Variants in EVPL observed in about 807,000 individuals in gnomAD.
The protein encoded by EVPL is 210 kDa cornified envelope precursor protein.
In EVPL, 94 loss-of-function variants were observed where a neutral mutation model predicts 129.7. The observed-to-expected ratio is 0.72, with a 90% CI of 0.61 to 0.86. The LOEUF (loss-of-function observed/expected upper bound fraction) is 0.86. EVPL is among the 40% of genes least tolerant of loss of function. The pLI is 0.00. For synonymous variants in EVPL, 1,172 were observed against 1,191.1 expected (o/e 0.98, Z 0.33); for missense variants, 2,625 against 2,721.1 (o/e 0.96, Z 0.79).
In EVPL at chr17:76,021,498, G is replaced by C. The variant is rs138421545; in HGVS notation, c.981C>G (p.Thr327=). 8.8e-3 allele frequency: 14,089 copies of C among 1,610,034 alleles called. 56 individuals carry two copies. Among genetic ancestry groups the C allele is most frequent in the Non-Finnish European group, 0.011 (12,641 of 1,178,724 alleles). Residue 327 remains threonine (T), a synonymous_variant, in exon 9 of 22, where the codon ACC becomes ACG. Transcript: ENST00000301607. ...GGTAGTCCTCCACGTGCTGCAGCTG[G>C]GTCTCCTGGCAGATACACAGGTTCA... is the stretch of plus-strand genomic sequence containing the variant. ...NFLNLCICQE[T]QLQHVEDYRR... is the part of the protein sequence containing the mutation.
chr17:76,021,743 G>A lies in EVPL; in HGVS notation c.846C>T (p.Ser282=), dbSNP rs2066461536. The A allele has an allele frequency of 2.5e-6, 4 of 1,609,994 alleles. No homozygotes were observed. The African/African-American group carries it at 5.3e-5, about 21-fold the overall frequency. Residue 282 remains serine (S), a synonymous_variant, in exon 8 of 22, where the codon AGC becomes AGT. Transcript: ENST00000301607. ...CGCCGTCGTCCTCCAGCTGGTTCAC[G>A]CTCTGCTCCTGGCTCAGCAGCTCGT... ...KQHELLSQEQ[S]VNQLEDDGER... is the part of the protein sequence containing the mutation.
At position 76,022,714 on chromosome 17, in the gene EVPL, GC is replaced by G. The variant is rs1005974431; in HGVS notation, c.481-177del. Among the ~76,000 whole-genome samples the G allele has an allele frequency of 4.6e-5, 7 of 152,160 alleles. No individual in the cohort carries two copies. Among genetic ancestry groups the G allele is most frequent in the Non-Finnish European group, 1.0e-4 (7 of 68,022 alleles). On this transcript the variant is annotated intron_variant, in intron 4 of 21. Coordinates refer to ENST00000301607, the MANE Select transcript of EVPL (RefSeq NM_001988.4). This position sits in a 1 kb window ranked among gnomAD's most constrained non-coding sequence, Gnocchi z 5.6. The stretch of plus-strand genomic sequence containing the variant: ...CCAGGGGCGAGGCCATTCTGCAGTG[GC>G]CCCTGAGTCCCACTGGTTCCCAGAC...
intron 10 of EVPL, 25 bp downstream of exon 10, chr17:76,019,503 A>G: frequency 2.0e-6 from 3 of 1,537,378 alleles, no homozygotes; most frequent in Non-Finnish European, 2.6e-6. Flanking sequence ...AGTGGGGTGC[A>G]GACGGCCTGG....
intron 18 of EVPL, 21 bp downstream of exon 18, chr17:76,014,405 C>A: frequency 6.2e-7 from 1 of 1,600,894 alleles, no homozygotes. Flanking sequence ...GCACAGGCAG[C>A]TGTCCCTGCC....
intron 14 of EVPL, 115 bp from the exon 15 acceptor site, chr17:76,015,743 G>A (rs1252769190): frequency 7.1e-6 from 8 of 1,127,646 alleles, no homozygotes; most frequent in Non-Finnish European, 8.7e-6. Context: ...GTACATGCTT[G>A]GGCTCAGGCC....
In EVPL at chr17:76,022,122, G is replaced by T; in HGVS notation, c.645+67C>A. The T allele has an allele frequency of 1.3e-6, 2 of 1,597,912 alleles. No individual in the cohort carries two copies. The highest frequency in any genetic ancestry group is 1.1e-5 in the South Asian group (1 of 89,662). The stretch of plus-strand genomic sequence containing the variant: ...GGCCGCGCTCAGGAACACTGGCCCC[G>T]GGCAGGGTCCGGGCGGCCACCCAGG... On this transcript the variant is annotated intron_variant, in intron 6 of 21. Transcript: ENST00000301607. The surrounding 1 kb of genome is among the most constrained non-coding windows in gnomAD (Gnocchi z 5.6).
At position 76,008,444 on chromosome 17, in the gene EVPL, C is replaced by A; in HGVS notation, c.4761G>T (p.Gln1587His). The A allele has an allele frequency of 6.3e-7, 1 of 1,592,566 alleles. No homozygotes were observed. Among genetic ancestry groups the A allele is most frequent in the Non-Finnish European group, 8.5e-7 (1 of 1,175,392 alleles). ...EESELQRARD[Q>H]ADQECGRLQQ... ...GCAGCCGCCCACACTCCTGGTCGGC[C>A]TGGTCCCGGGCCCTCTGCAGCTCGG... Residue 1587 changes from glutamine (Q) to histidine (H), a missense_variant, in exon 22 of 22, where the codon CAG becomes CAT. By Grantham distance (24) the Gln-to-His change is conservative (BLOSUM62 0). Transcript: ENST00000301607. This position sits in a 1 kb window ranked among gnomAD's most constrained non-coding sequence, Gnocchi z 7.4.
rs1277120740 is a variant in EVPL, at chr17:76,017,969, G to C, written c.1538-58C>G. 6 of 1,599,926 alleles carry C rather than the reference G, an allele frequency of 3.8e-6. No homozygotes were observed. The East Asian group carries it at 1.1e-4, about 30-fold the overall frequency. On this transcript the variant is annotated intron_variant, in intron 13 of 21. Coordinates refer to ENST00000301607, the MANE Select transcript of EVPL (RefSeq NM_001988.4). ...CCTATCTCCAGACTGCCAGATAGGT[G>C]CCCCCACCAGGTGCCCACAGAGGGT...
chr17:76,015,614 G>T lies in EVPL; in HGVS notation c.1725C>A (p.Arg575=), dbSNP rs1285937579. 6.2e-7 allele frequency: 1 copy of T among 1,613,094 alleles called. No homozygotes were observed. The highest frequency in any genetic ancestry group is 1.1e-5 in the South Asian group (1 of 91,042). The change falls in exon 15 of 22, where the codon CGC becomes CGA. Residue 575 remains arginine (R), a synonymous_variant. Coordinates refer to ENST00000301607, the MANE Select transcript of EVPL (RefSeq NM_001988.4). ...RIHSHEGTAQ[R]LQSLGTEKET... ...CCTTCTCCGTTCCCAGGCTCTGCAG[G>T]CGCTGGGCTGTGCCCTAAAGAGGGG...
chr17:76,007,824 G>A lies in EVPL; in HGVS notation c.5381C>T (p.Ser1794Phe), dbSNP rs747798650. 2 of 1,611,076 alleles carry A rather than the reference G, an allele frequency of 1.2e-6. No individual in the cohort carries two copies. Among genetic ancestry groups the A allele is most frequent in the African/African-American group, 2.7e-5 (2 of 74,854 alleles). ...GGCGAGCGGGGACTTGGAGATGATA[G>A]AGCCGATGGAGAGTGAGGAGCTTGG... ...TKPSSSLSIG[S>F]IISKSPLASP... is the part of the protein sequence containing the mutation. The change falls in exon 22 of 22, where the codon TCT (serine) becomes TTT (phenylalanine). Residue 1794 changes from serine to phenylalanine, a missense_variant. This residue lies in a region of EVPL where 1,453 missense variants were observed against 1,511.8 expected (regional missense o/e 0.96). Transcript: ENST00000301607. This position sits in a 1 kb window ranked among gnomAD's most constrained non-coding sequence, Gnocchi z 8.8.
chr17:76,021,442 C>T, intron 9 of EVPL, 26 bp downstream of exon 9: 1 of 1,591,398 alleles, frequency 6.3e-7, no homozygotes, highest in Non-Finnish European at 8.5e-7. Flanking sequence ...GCCCCTGCCG[C>T]CCCTGCCGCC....
intron 9 of EVPL, among the ~76,000 whole-genome samples, chr17:76,020,964 C>T (rs149896887): frequency 6.6e-6 from 1 of 152,228 alleles, no homozygotes; most frequent in East Asian, 1.9e-4. Context: ...CCAGTAAGAA[C>T]CAATTTTCAC....
Position 76,014,589 on chromosome 17 carries a change from G to A in EVPL, c.2223-13C>T, listed in dbSNP as rs1296821343. The A allele has an allele frequency of 1.2e-6, 2 of 1,610,860 alleles. No individual in the cohort carries two copies. Among genetic ancestry groups the A allele is most frequent in the Non-Finnish European group, 1.7e-6 (2 of 1,179,208 alleles). On this transcript the variant is annotated splice_polypyrimidine_tract_variant and intron_variant, in intron 17 of 21. Coordinates refer to ENST00000301607, the MANE Select transcript of EVPL (RefSeq NM_001988.4). Reference sequence around the variant, plus strand: ...CACCACCTTCTCCCTGCAGGAGGACGAGGCCCAGAACAGAGATAAGACCTG... The same window carrying A: ...CACCACCTTCTCCCTGCAGGAGGACAAGGCCCAGAACAGAGATAAGACCTG...
At chr17:76,010,806 A>C (rs756938033) in intron 21 of EVPL, among the ~76,000 whole-genome samples, 4 of 152,172 alleles carry the variant, frequency 2.6e-5, no homozygotes, top group Non-Finnish European at 5.9e-5. Context: ...GATGCCTTTA[A>C]TCCCAACACT....
rs747266805 is a variant in EVPL, at chr17:76,023,779, C to A, written c.199-125G>T. 1,080 of 1,420,964 alleles carry A rather than the reference C, an allele frequency of 7.6e-4. 4 individuals are homozygous for A. The highest frequency in any genetic ancestry group is 9.7e-4 in the South Asian group (66 of 67,946). The allele number at this position is 1,420,964 out of a possible 1,614,324, so 88.0% of individuals were successfully genotyped here. Reference sequence around the variant, plus strand: ...TGCTAGCCAACCTTGAGGCCCACGCCAGGCACAGGGTCAGGACCAGGGCGT... The same window carrying A: ...TGCTAGCCAACCTTGAGGCCCACGCAAGGCACAGGGTCAGGACCAGGGCGT... On this transcript the variant is annotated intron_variant, in intron 2 of 21. Coordinates refer to ENST00000301607, the MANE Select transcript of EVPL (RefSeq NM_001988.4).
At chr17:76,011,955 A>C (rs375071776) in intron 19 of EVPL, 51 bp downstream of exon 19, 28 of 1,601,126 alleles carry the variant, frequency 1.7e-5, no homozygotes, top group Non-Finnish European at 2.1e-5. Context: ...GGGCTGGAAG[A>C]GGGACAAGGG....
rs1047687749 is a variant in EVPL, at chr17:76,019,559, C to T, written c.1106G>A (p.Gly369Asp). ...CTGTTGCAGCAGCTCTGTGGGGGCGCCAGGGGGGCCCCCAGGTGCAGGGCT... is the reference window on the plus strand; with the variant it reads ...CTGTTGCAGCAGCTCTGTGGGGGCGTCAGGGGGGCCCCCAGGTGCAGGGCT... ...KYSPAPGGPP[G>D]APTELLQQLE... Residue 369 changes from glycine to aspartate, a missense_variant, in exon 10 of 22, where the codon GGC (glycine) becomes GAC (aspartate). Coordinates refer to ENST00000301607, the MANE Select transcript of EVPL (RefSeq NM_001988.4). 8 of 1,575,098 alleles carry T rather than the reference C, an allele frequency of 5.1e-6. No homozygotes were observed. The African/African-American group carries it at 6.9e-5, about 14-fold the overall frequency.
Position 76,014,428 on chromosome 17 carries a change from T to C in EVPL, c.2371A>G (p.Lys791Glu), listed in dbSNP as rs777529489. The change falls in exon 18 of 22, where the codon AAG (lysine) becomes GAG (glutamate). Residue 791 changes from lysine (K) to glutamate (E), a missense_variant and splice_region_variant. Physicochemically the swap from Lys to Glu is moderately conservative, Grantham distance 56. Transcript: ENST00000301607. ...AGCTGTCCCTGCCCCAGCCTCACCTTCTGCGCCTGCAGCTTGTAGGCGATC... is the reference window on the plus strand; with the variant it reads ...AGCTGTCCCTGCCCCAGCCTCACCTCCTGCGCCTGCAGCTTGTAGGCGATC... Reference protein sequence around the residue: ...SQIAYKLQAQKRLTQEIQSRE... With the variant: ...SQIAYKLQAQERLTQEIQSRE... The C allele has an allele frequency of 6.2e-7, 1 of 1,608,434 alleles. No individual in the cohort carries two copies. Among genetic ancestry groups the C allele is most frequent in the South Asian group, 1.1e-5 (1 of 90,852 alleles).
At chr17:76,010,664 G>A (rs757910013) in intron 21 of EVPL, 121 bp from the exon 22 acceptor site, 4 of 1,075,004 alleles carry the variant, frequency 3.7e-6, no homozygotes, top group African/African-American at 3.2e-5. Context: ...CTCAGAGGTG[G>A]AGCTGAAGAC....
Sources: gnomAD v4.1 joint callset for allele counts (sites outside exome capture counted in the v4.1 genomes callset) on GRCh38, gnomAD v4.1.1 for gene constraint, gnomAD v4.1.1 regional missense constraint, Gnocchi (gnomAD v3.1) non-coding constraint, MANE v1.5 for transcripts, NCBI Gene and HGNC (gene_info 2026-07-23, HGNC 2026-07-21) for gene names.